The following SNW1 variants were observed in gnomAD, a reference collection of about 807,000 sequenced individuals.
SNW1 encodes the protein SNW domain containing 1.
In SNW1, 9 loss-of-function variants were observed where a neutral mutation model predicts 75.6. The observed-to-expected ratio is 0.12, with a 90% CI of 0.07 to 0.21. The LOEUF (loss-of-function observed/expected upper bound fraction) is 0.21. SNW1 is among the 10% of genes least tolerant of loss of function. The pLI is 1.00. For missense variants in SNW1, 409 were observed against 670.9 expected, an observed-to-expected ratio of 0.61 and a Z score of 4.31; for synonymous variants, 200 against 219.1, an observed-to-expected ratio of 0.91 and a Z score of 0.77.
intron 9 of SNW1, among the ~76,000 whole-genome samples, chr14:77,731,662 C>T (rs1394828540): frequency 6.6e-6 from 1 of 152,178 alleles, no homozygotes; most frequent in Non-Finnish European, 1.5e-5. Context: ...ATACAAAAGA[C>T]ATTTTTTTTA....
chr14:77,753,823 C>T (rs186669936), intron 2 of SNW1, among the ~76,000 whole-genome samples: 1,910 of 151,584 alleles, frequency 0.013, 36 homozygotes, highest in African/African-American at 0.041. Flanking sequence ...TGTGGTGGCA[C>T]GTGCCTGTAA....
chr14:77,737,991 C>CAAAA (rs35896717), intron 5 of SNW1, among the ~76,000 whole-genome samples: 4,144 of 73,794 alleles, frequency 0.056, 241 homozygotes, highest in African/African-American at 0.072. Flanking sequence ...GACTCCATCT[C>CAAAA]AAAAAAAAAA....
At chr14:77,723,425 C>CT (rs755338887) in intron 10 of SNW1, 148 bp from the exon 11 acceptor site, 174 of 632,058 alleles carry the variant, frequency 2.8e-4, no homozygotes, top group Non-Finnish European at 4.7e-4. Flanking sequence ...ACATGGTTCA[C>CT]TGCAGCCACT....
chr14:77,752,191 T>C lies in SNW1; in HGVS notation c.169-711A>G, dbSNP rs967584143. On this transcript the variant is annotated intron_variant, in intron 2 of 13. Coordinates refer to ENST00000261531, the MANE Select transcript of SNW1 (RefSeq NM_012245.3). ...ACTTGGGGCAGAAATATAAAAGATT[T>C]TTTCTTGGAATCAGATTTTATTAAC... Among the ~76,000 whole-genome samples the C allele has an allele frequency of 7.2e-5, 11 of 152,324 alleles. No individual in the cohort carries two copies. In the East Asian group the frequency reaches 1.9e-3, roughly 27 times the overall value.
chr14:77,736,675 T>G (rs1282782251), intron 6 of SNW1, among the ~76,000 whole-genome samples: 1 of 152,226 alleles, frequency 6.6e-6, no homozygotes, highest in Non-Finnish European at 1.5e-5. Context: ...TATGCACCTG[T>G]GAAATCATCA....
At chr14:77,743,052 A>G (rs1048878887) in intron 3 of SNW1, among the ~76,000 whole-genome samples, 2 of 151,548 alleles carry the variant, frequency 1.3e-5, no homozygotes, top group African/African-American at 4.8e-5. Context: ...ACGGAGAAAC[A>G]CTGTCTCTAC....
At chr14:77,728,077 A>T (rs1437515680) in intron 10 of SNW1, among the ~76,000 whole-genome samples, 1 of 150,424 alleles carries the variant, frequency 6.6e-6, no homozygotes, top group Non-Finnish European at 1.5e-5. Flanking sequence ...ATTAGTGTAG[A>T]ATCTAGGTGG....
Position 77,717,670 on chromosome 14 carries a change from A to G in SNW1, c.*418T>C. ...GAGGTTACTTTGCCCACTCCAAATT[A>G]AAACAGAGCACAATAGGGGCAAAAT... is the stretch of plus-strand genomic sequence containing the variant. On this transcript the variant is annotated 3_prime_UTR_variant, in exon 14 of 14. Transcript: ENST00000261531. The G allele has an allele frequency of 2.7e-6, 3 of 1,101,080 alleles. No individual in the cohort carries two copies. The South Asian group carries it at 4.3e-5, about 16-fold the overall frequency. The allele number at this position is 1,101,080 out of a possible 1,614,324, so 68.2% of individuals were successfully genotyped here.
At chr14:77,729,533 A>C (rs1487120067) in intron 10 of SNW1, among the ~76,000 whole-genome samples, 3 of 140,872 alleles carry the variant, frequency 2.1e-5, no homozygotes, top group African/African-American at 7.4e-5. Flanking sequence ...TTTTAAAAAT[A>C]TATGTTAGGG....
At chr14:77,740,059 G>A (rs1221465280) in intron 3 of SNW1, among the ~76,000 whole-genome samples, 5 of 150,206 alleles carry the variant, frequency 3.3e-5, no homozygotes, top group South Asian at 2.1e-4. Context: ...GCTTTAACCC[G>A]GGAGGAAGAG....
intron 10 of SNW1, among the ~76,000 whole-genome samples, chr14:77,724,193 A>G (rs1238081328): frequency 1.3e-5 from 2 of 152,190 alleles, no homozygotes; most frequent in Non-Finnish European, 2.9e-5. Flanking sequence ...TTGCTTTTAA[A>G]ATTTATTTTT....
intron 12 of SNW1, among the ~76,000 whole-genome samples, chr14:77,720,039 CTTTAATCCCGT>C (rs1195833755): frequency 6.6e-6 from 1 of 152,204 alleles, no homozygotes; most frequent in African/African-American, 2.4e-5. Flanking sequence ...CAGCCTAGTA[CTTTAATCCCGT>C]TTTACAGCTT....
intron 3 of SNW1, among the ~76,000 whole-genome samples, chr14:77,742,884 A>G (rs1428463113): frequency 6.6e-6 from 1 of 151,970 alleles, no homozygotes; most frequent in East Asian, 1.9e-4. Flanking sequence ...TATTTCTTAC[A>G]TAACTATTTC....
At chr14:77,760,653 G>C in intron 1 of SNW1, 2 of 702,286 alleles carry the variant, frequency 2.8e-6, no homozygotes, top group South Asian at 3.0e-5. Flanking sequence ...CTTTTTTCAG[G>C]AATCCTTGTT....
At chr14:77,746,303 GCAAGA>G (rs2080760087) in intron 3 of SNW1, among the ~76,000 whole-genome samples, 1 of 152,208 alleles carries the variant, frequency 6.6e-6, no homozygotes, top group Non-Finnish European at 1.5e-5. Flanking sequence ...GTTCATGCCA[GCAAGA>G]CAAATGTCAA....
Position 77,761,098 on chromosome 14 carries a change from C to T in SNW1, c.14+16G>A. The T allele has an allele frequency of 1.2e-6, 2 of 1,614,254 alleles. No homozygotes were observed. The highest frequency in any genetic ancestry group is 1.7e-6 in the Non-Finnish European group (2 of 1,180,044). On this transcript the variant is annotated intron_variant, in intron 1 of 13. Transcript: ENST00000261531. ...CCCAGACCCTTCCGTATCGAGGACC[C>T]CAATCAACAACCCACCTGGTGAGCG...
intron 5 of SNW1, 184 bp downstream of exon 5, chr14:77,738,594 C>T: frequency 1.7e-6 from 1 of 592,570 alleles, no homozygotes; most frequent in Non-Finnish European, 3.0e-6. Context: ...CAAACAAAAA[C>T]CAAAGTGGAC....
intron 3 of SNW1, among the ~76,000 whole-genome samples, chr14:77,747,422 G>A (rs1353482414): frequency 6.6e-6 from 1 of 150,768 alleles, no homozygotes; most frequent in Non-Finnish European, 1.5e-5. Flanking sequence ...CGCCCAGTCT[G>A]GGAAGTGAGG....
chr14:77,749,076 C>T (rs1184057527), intron 3 of SNW1, among the ~76,000 whole-genome samples: 2 of 152,256 alleles, frequency 1.3e-5, no homozygotes, highest in South Asian at 2.1e-4. Flanking sequence ...AATCTAGATA[C>T]ACTTGCCCTT....
Sources: gnomAD v4.1 joint callset for allele counts (sites outside exome capture counted in the v4.1 genomes callset) on GRCh38, gnomAD v4.1.1 for gene constraint, MANE v1.5 for transcripts, NCBI Gene and HGNC (gene_info 2026-07-23, HGNC 2026-07-21) for gene names.